FHIT: variants seen among roughly 807,000 people sequenced by gnomAD.
The protein encoded by FHIT is fragile histidine triad diadenosine triphosphatase, also known as bis(5'-adenosyl)-triphosphatase.
Under a neutral mutation model 17.9 loss-of-function variants are expected in FHIT, and 19 were observed. The observed-to-expected ratio is 1.06, with a 90% CI of 0.74 to 1.56. FHIT has a LOEUF of 1.56. Ranked by LOEUF, FHIT falls within the 40% of genes most tolerant of loss-of-function variation. The probability of loss-of-function intolerance (pLI) is 0.00; values close to 1 mark genes in which losing one functional copy is unlikely to be tolerated. For missense variants in FHIT, 248 were observed against 189.2 expected (o/e 1.31, Z -1.82); for synonymous variants, 81 against 69.7 (o/e 1.16, Z -0.81).
chr3:61,118,119 T>C (rs567790824), intron 2 of FHIT, among the ~76,000 whole-genome samples: 3 of 152,212 alleles, frequency 2.0e-5, no homozygotes, highest in Non-Finnish European at 4.4e-5. Context: ...AATAATGTTG[T>C]AGTATAATTT....
In FHIT at chr3:61,026,638, A is replaced by T. The variant is rs148824967; in HGVS notation, c.-111+15409T>A. On this transcript the variant is annotated intron_variant, in intron 3 of 9. Transcript: ENST00000492590. ...ACAAAATCCTAAACTCTCTTAAAAC[A>T]TTATGAGACCTTTTTTTTGCAATTT... Among the ~76,000 whole-genome samples, 53 of 147,838 alleles carry T rather than the reference A, an allele frequency of 3.6e-4. No individual in the cohort carries two copies. In the East Asian group the frequency reaches 9.5e-3, roughly 27 times the overall value.
chr3:59,936,713 C>A (rs976978497), intron 7 of FHIT, among the ~76,000 whole-genome samples: 18 of 152,094 alleles, frequency 1.2e-4, no homozygotes, highest in African/African-American at 4.3e-4. Flanking sequence ...AGGGAATTAG[C>A]AACTTGTCCT....
intron 5 of FHIT, among the ~76,000 whole-genome samples, chr3:60,396,074 C>T (rs976612682): frequency 1.3e-5 from 2 of 152,090 alleles, no homozygotes; most frequent in Non-Finnish European, 2.9e-5. Context: ...GGGCTGATAC[C>T]GCACTTGCTA....
intron 8 of FHIT, among the ~76,000 whole-genome samples, chr3:59,884,287 T>G (rs759222122): frequency 6.6e-6 from 1 of 152,232 alleles, no homozygotes; most frequent in East Asian, 1.9e-4. Flanking sequence ...GTGGTGCACA[T>G]TTTATATCAG....
chr3:61,218,665 T>G (rs2039752107), intron 1 of FHIT, among the ~76,000 whole-genome samples: 1 of 152,106 alleles, frequency 6.6e-6, no homozygotes, highest in African/African-American at 2.4e-5. Context: ...CTGAGAAGGT[T>G]GAAAGGGACA....
intron 8 of FHIT, among the ~76,000 whole-genome samples, chr3:59,882,749 A>C (rs1703462714): frequency 6.6e-6 from 1 of 152,164 alleles, no homozygotes. Flanking sequence ...AACATATGAC[A>C]CCTAACACCT....
At chr3:59,935,132 G>A (rs1031177241) in intron 7 of FHIT, among the ~76,000 whole-genome samples, 1 of 152,108 alleles carries the variant, frequency 6.6e-6, no homozygotes, top group Non-Finnish European at 1.5e-5. Flanking sequence ...GAGCTCAGAG[G>A]TTCTTGTAAA....
chr3:60,578,859 T>C (rs1268846892), intron 4 of FHIT, among the ~76,000 whole-genome samples: 2 of 152,192 alleles, frequency 1.3e-5, no homozygotes, highest in African/African-American at 4.8e-5. Context: ...ATTCTTTTAC[T>C]ATTACAGATA....
At chr3:60,199,840 G>A (rs1215505457) in intron 5 of FHIT, among the ~76,000 whole-genome samples, 1 of 152,120 alleles carries the variant, frequency 6.6e-6, no homozygotes. Context: ...AGAGAGTAGA[G>A]AGAATTACTC....
intron 2 of FHIT, among the ~76,000 whole-genome samples, chr3:61,061,723 TC>T (rs1481992974): frequency 6.6e-6 from 1 of 152,066 alleles, no homozygotes; most frequent in Non-Finnish European, 1.5e-5. Flanking sequence ...ATATTGTAAC[TC>T]CCTACGTTTC....
intron 8 of FHIT, among the ~76,000 whole-genome samples, chr3:59,817,294 A>G (rs1429783630): frequency 1.3e-5 from 2 of 152,166 alleles, no homozygotes; most frequent in East Asian, 1.9e-4. Flanking sequence ...AAGAAAATCA[A>G]TTGGCAAAAG....
intron 4 of FHIT, among the ~76,000 whole-genome samples, chr3:60,545,867 T>TTA (rs1491211530): frequency 0.016 from 10 of 608 alleles, no homozygotes; most frequent in Admixed American, 0.13. Context: ...CAAATCTCTC[T>TTA]TTGTCTCATT....
intron 5 of FHIT, among the ~76,000 whole-genome samples, chr3:60,046,159 T>C (rs369655047): frequency 1.2e-4 from 19 of 152,326 alleles, no homozygotes; most frequent in Non-Finnish European, 2.2e-4. Context: ...CTTAACACAA[T>C]AGACCATTCA....
intron 5 of FHIT, among the ~76,000 whole-genome samples, chr3:60,077,685 T>TTC (rs1491358490): frequency 1.1e-4 from 7 of 66,324 alleles, no homozygotes; most frequent in Admixed American, 1.9e-4. Flanking sequence ...ACGATTTTAC[T>TTC]TCACACACAC....
chr3:60,365,948 A>G lies in FHIT; in HGVS notation c.103+170912T>C, dbSNP rs1700089006. Among the ~76,000 whole-genome samples, 3 of 152,226 alleles carry G rather than the reference A, an allele frequency of 2.0e-5. No homozygotes were observed. The South Asian group carries it at 6.2e-4, about 32-fold the overall frequency. On this transcript the variant is annotated intron_variant, in intron 5 of 9. Transcript: ENST00000492590. Reference sequence around the variant, plus strand: ...ATAGATGCTAATGCCTCTTTGAAGCATACTTAGTATTTAGAAATCATTTTG... The same window carrying G: ...ATAGATGCTAATGCCTCTTTGAAGCGTACTTAGTATTTAGAAATCATTTTG...
intron 1 of FHIT, among the ~76,000 whole-genome samples, chr3:61,230,884 A>AC (rs1310383344): frequency 6.6e-6 from 1 of 152,174 alleles, no homozygotes; most frequent in Admixed American, 6.5e-5. Context: ...TTTGATTCCT[A>AC]CACTAATATT....
chr3:60,901,511 A>G (rs184561269), intron 3 of FHIT, among the ~76,000 whole-genome samples: 13 of 152,324 alleles, frequency 8.5e-5, no homozygotes, highest in Admixed American at 8.5e-4. Context: ...TTAAAGAATA[A>G]CTCTAAGTCA....
intron 8 of FHIT, among the ~76,000 whole-genome samples, chr3:59,913,489 A>G (rs294457): frequency 0.75 from 113,379 of 152,008 alleles, 43,898 homozygotes; most frequent in Non-Finnish European, 0.86. Context: ...TTTCAATTCA[A>G]TGGTATGAAT....
intron 3 of FHIT, among the ~76,000 whole-genome samples, chr3:60,859,830 G>A (rs542223635): frequency 7.7e-6 from 1 of 130,072 alleles, no homozygotes; most frequent in East Asian, 2.5e-4. Flanking sequence ...GATCACTTGA[G>A]GTCAGGAGCT....
Sources: allele counts gnomAD v4.1 joint callset (sites outside exome capture counted in the v4.1 genomes callset), GRCh38; gene constraint gnomAD v4.1.1; transcripts MANE v1.5; gene names NCBI Gene and HGNC (gene_info 2026-07-23, HGNC 2026-07-21).